WDR27: variants seen among roughly 807,000 people sequenced by gnomAD.
WDR27 encodes the protein WD repeat domain 27, also known as WD repeat-containing protein 27.
A neutral mutation model predicts 114.4 loss-of-function variants in WDR27; 100 were observed. That is an observed-to-expected ratio of 0.87 (90% CI 0.74 to 1.03). The LOEUF is 1.03. Among genes scored for constraint, WDR27 ranks in the 50% least tolerant of loss-of-function variants. The probability of loss-of-function intolerance (pLI) is 0.00; values close to 1 mark genes in which losing one functional copy is unlikely to be tolerated. For synonymous variants in WDR27, 449 were observed against 423.1 expected (o/e 1.06, Z -0.75); for missense variants, 1,129 against 1,092.9 (o/e 1.03, Z -0.47).
the WDR27 span, among the ~76,000 whole-genome samples, chr6:169,447,045 C>A: frequency 1.3e-5 from 2 of 152,068 alleles, no homozygotes; most frequent in Non-Finnish European, 2.9e-5. Context: ...TATGATAATG[C>A]AAAAAGATTT....
intron 16 of WDR27, 123 bp from the exon 17 acceptor site, chr6:169,643,909 G>A (rs147909814): frequency 8.5e-6 from 6 of 703,932 alleles, no homozygotes; most frequent in African/African-American, 5.4e-5. Flanking sequence ...AAGTCACACT[G>A]TAGAAAAGCC....
chr6:169,674,334 A>ATTAAAACAT (rs1779533589), intron 2 of WDR27, among the ~76,000 whole-genome samples: 1 of 152,280 alleles, frequency 6.6e-6, no homozygotes, highest in African/African-American at 2.4e-5. Context: ...TCAAACCATT[A>ATTAAAACAT]TTAAAACATT....
intron 23 of WDR27, among the ~76,000 whole-genome samples, chr6:169,595,283 T>G (rs1345886588): frequency 6.6e-6 from 1 of 152,268 alleles, no homozygotes; most frequent in East Asian, 1.9e-4. Flanking sequence ...TTATTTTATT[T>G]GTCCTATCTA....
At chr6:169,605,898 AGCT>A (rs1809069423) in intron 22 of WDR27, among the ~76,000 whole-genome samples, 1 of 152,218 alleles carries the variant, frequency 6.6e-6, no homozygotes, top group Non-Finnish European at 1.5e-5. Context: ...AAAATTGGAT[AGCT>A]ATAGGCAAAA....
In WDR27 at chr6:169,651,179, G is replaced by A. The variant is rs996855039; in HGVS notation, c.1481+751C>T. On this transcript the variant is annotated intron_variant, in intron 14 of 25. Transcript: ENST00000448612. ...ATTTCTGCCTGGAGCACAGCAGTGC[G>A]GGGCGGGGGGGGGGAGTGGGGGAGT... 1.1e-3 allele frequency among the ~76,000 whole-genome samples: 109 copies of A among 99,364 alleles called. 15 individuals carry two copies. The highest frequency in any genetic ancestry group is 5.3e-3 in the African/African-American group (104 of 19,764). The allele number at this position is 99,364 out of a possible 152,430, so 65.2% of individuals were successfully genotyped here. A position where few individuals can be genotyped will look rare whatever the true frequency, so the allele number is the denominator to read the frequency against.
chr6:169,644,259 C>T (rs1819933017), intron 16 of WDR27, among the ~76,000 whole-genome samples: 1 of 151,472 alleles, frequency 6.6e-6, no homozygotes, highest in Non-Finnish European at 1.5e-5. Flanking sequence ...TGTAGAAAAG[C>T]CTAGTTCACA....
intron 16 of WDR27, among the ~76,000 whole-genome samples, chr6:169,646,176 A>T (rs1438257105): frequency 6.6e-6 from 1 of 152,184 alleles, no homozygotes; most frequent in East Asian, 1.9e-4. Context: ...CCTTTCTCAC[A>T]TCCTCTACCC....
intron 17 of WDR27, among the ~76,000 whole-genome samples, chr6:169,642,126 T>C (rs1819350106): frequency 1.3e-5 from 2 of 152,214 alleles, no homozygotes; most frequent in South Asian, 2.1e-4. Context: ...AGAATTTGAA[T>C]TTATACTTAT....
At position 169,605,045 on chromosome 6, in the gene WDR27, G is replaced by A. The variant is rs868454700; in HGVS notation, c.2322-2724C>T. On this transcript the variant is annotated intron_variant, in intron 22 of 25. Transcript: ENST00000448612. ...TCCTCTAAGAACTGGAACAAGACAA[G>A]GATGCCCACTACCACCATTTCTGTT... Among the ~76,000 whole-genome samples, 26 of 139,010 alleles carry A rather than the reference G, an allele frequency of 1.9e-4. No individual in the cohort carries two copies. The Admixed American group carries it at 1.9e-3, about 10-fold the overall frequency. The allele number at this position is 139,010 out of a possible 152,430, so 91.2% of individuals were successfully genotyped here.
At chr6:169,670,727 C>A in intron 3 of WDR27, 34 bp from the exon 4 acceptor site, 1 of 1,611,760 alleles carries the variant, frequency 6.2e-7, no homozygotes, top group South Asian at 1.1e-5. Flanking sequence ...GCCAGTTTAC[C>A]AAATGCATTC....
chr6:169,496,902 G>A (rs1049461866), intron 25 of WDR27, among the ~76,000 whole-genome samples: 7 of 152,012 alleles, frequency 4.6e-5, no homozygotes, highest in Admixed American at 1.3e-4. Context: ...TCCCTGTACT[G>A]ATCCCAATGA....
chr6:169,524,960 T>C (rs903120908), intron 25 of WDR27, among the ~76,000 whole-genome samples: 3 of 152,116 alleles, frequency 2.0e-5, no homozygotes, highest in South Asian at 2.1e-4. Context: ...AAAGCTTTTG[T>C]ACAGTAAGTG....
chr6:169,533,299 T>TG (rs1442857174), intron 25 of WDR27, among the ~76,000 whole-genome samples: 289 of 103,424 alleles, frequency 2.8e-3, no homozygotes, highest in Admixed American at 7.2e-3. Context: ...GCAGGAAAAT[T>TG]GGGGGGGGCG....
chr6:169,691,899 G>A (rs1405259956), intron 1 of WDR27, among the ~76,000 whole-genome samples: 1 of 152,170 alleles, frequency 6.6e-6, no homozygotes, highest in Non-Finnish European at 1.5e-5. Context: ...TGGACTGAAA[G>A]GCATGTGGAT....
intron 25 of WDR27, among the ~76,000 whole-genome samples, chr6:169,569,230 AAATTC>A (rs60896955): frequency 0.11 from 17,215 of 152,080 alleles, 2,012 homozygotes; most frequent in East Asian, 0.58. Flanking sequence ...TATAAATTTA[AAATTC>A]AATTCATTAA....
intron 25 of WDR27, among the ~76,000 whole-genome samples, chr6:169,542,889 AT>A (rs1770887553): frequency 1.3e-5 from 2 of 152,196 alleles, no homozygotes; most frequent in South Asian, 4.1e-4. Context: ...ATTTGAGTTA[AT>A]TCATTACATG....
At chr6:169,552,518 A>G (rs1265238933) in intron 25 of WDR27, among the ~76,000 whole-genome samples, 2 of 152,224 alleles carry the variant, frequency 1.3e-5, no homozygotes, top group African/African-American at 4.8e-5. Context: ...ACTTTCTTGA[A>G]TTAATTTAAT....
chr6:169,693,518 T>G (rs1408098499), intron 1 of WDR27, among the ~76,000 whole-genome samples: 1 of 152,116 alleles, frequency 6.6e-6, no homozygotes, highest in Non-Finnish European at 1.5e-5. Context: ...GTCTAAGTGC[T>G]CCACTGGAAA....
chr6:169,528,070 C>T (rs1478465908), intron 25 of WDR27, among the ~76,000 whole-genome samples: 1 of 151,964 alleles, frequency 6.6e-6, no homozygotes, highest in Admixed American at 6.6e-5. Context: ...ACCATACATG[C>T]AAATATAATC....
Sources: allele counts gnomAD v4.1 joint callset (sites outside exome capture counted in the v4.1 genomes callset), GRCh38; gene constraint gnomAD v4.1.1; transcripts MANE v1.5; gene names NCBI Gene and HGNC (gene_info 2026-07-23, HGNC 2026-07-21).